The following HYAL4 variants were observed in gnomAD, a reference collection of about 807,000 sequenced individuals.
HYAL4 encodes the protein hyaluronidase 4, also known as hyaluronidase-4.
Under a neutral mutation model 35.2 loss-of-function variants are expected in HYAL4, and 37 were observed. The ratio of observed to expected loss-of-function variants is 1.05; its 90% CI spans 0.81 to 1.38. The LOEUF (loss-of-function observed/expected upper bound fraction) is 1.38, where lower values mean the gene tolerates loss of function less well. Ranked by LOEUF, HYAL4 falls within the 40% of genes most tolerant of loss-of-function variation. The pLI, the probability that HYAL4 is intolerant of heterozygous loss-of-function variation, is 0.00. For missense variants in HYAL4, 572 were observed against 572.4 expected, an observed-to-expected ratio of 1.00 and a Z score of 0.01; for synonymous variants, 198 against 203.2, an observed-to-expected ratio of 0.97 and a Z score of 0.22.
chr7:123,843,065 C>T (rs970490325), upstream of HYAL4, among the ~76,000 whole-genome samples: 25 of 151,846 alleles, frequency 1.6e-4, no homozygotes, highest in Admixed American at 5.3e-4. Context: ...TTATTTTGCC[C>T]GTTGATTGAT....
intron 3 of HYAL4, among the ~76,000 whole-genome samples, chr7:123,873,031 A>G (rs1292656440): frequency 1.3e-5 from 2 of 152,156 alleles, no homozygotes; most frequent in Non-Finnish European, 2.9e-5. Context: ...TTCTGCCCTG[A>G]TCATACCATG....
intron 2 of HYAL4, among the ~76,000 whole-genome samples, chr7:123,854,793 G>A (rs765941161): frequency 4.2e-4 from 64 of 152,216 alleles, no homozygotes; most frequent in Middle Eastern, 3.4e-3. Flanking sequence ...TTTCTGTCTC[G>A]TTGATCTGTC....
At chr7:123,780,211 C>T in the HYAL4 span, among the ~76,000 whole-genome samples, 2 of 152,152 alleles carry the variant, frequency 1.3e-5, no homozygotes, top group East Asian at 1.9e-4. Context: ...AGTAAATAAG[C>T]TGCCTAAATA....
At chr7:123,800,078 G>A in the HYAL4 span, among the ~76,000 whole-genome samples, 2 of 152,090 alleles carry the variant, frequency 1.3e-5, no homozygotes, top group South Asian at 2.1e-4. Context: ...TGGAAGGATC[G>A]CTTTAACTGG....
At chr7:123,767,874 G>A in the HYAL4 span, among the ~76,000 whole-genome samples, 1 of 152,188 alleles carries the variant, frequency 6.6e-6, no homozygotes, top group African/African-American at 2.4e-5. Context: ...GCATCACAAA[G>A]TAGGGTTGCC....
At chr7:123,786,730 CTATCT>C in the HYAL4 span, among the ~76,000 whole-genome samples, 1 of 151,680 alleles carries the variant, frequency 6.6e-6, no homozygotes, top group Admixed American at 6.6e-5. Context: ...ATCTATCTAT[CTATCT>C]ATCTATCTAT....
At chr7:123,800,522 A>G in the HYAL4 span, among the ~76,000 whole-genome samples, 2 of 151,028 alleles carry the variant, frequency 1.3e-5, no homozygotes, top group Non-Finnish European at 3.0e-5. Flanking sequence ...TTTTCTTTTG[A>G]TAGCTAAAAT....
chr7:123,811,224 A>C, the HYAL4 span, among the ~76,000 whole-genome samples: 13 of 152,112 alleles, frequency 8.5e-5, no homozygotes, highest in Admixed American at 4.6e-4. Flanking sequence ...TAATGATTGG[A>C]TTGTATGGTA....
chr7:123,832,479 C>CTTTT lies in HYAL4; in HGVS notation c.-257+3390_-257+3393dup, dbSNP rs71163703. Among the ~76,000 whole-genome samples the CTTTT allele has an allele frequency of 3.7e-4, 8 of 21,846 alleles. 2 individuals are homozygous for CTTTT. Among genetic ancestry groups the CTTTT allele is most frequent in the East Asian group, 3.4e-3 (2 of 580 alleles). 14.3% of individuals were successfully genotyped at this position (21,846 alleles called of 152,430 possible). On this transcript the variant is annotated intron_variant, in intron 1 of 4. Transcript: ENST00000489978. ...AGTCCCCAAAGTCTATTGTGTCATA[C>CTTTT]TTTTTTTTTTTTTTTTTTTTTTTTT...
intron 2 of HYAL4, 61 bp from the exon 3 acceptor site, chr7:123,868,162 T>TTTA (rs1806744585): frequency 2.0e-6 from 1 of 494,034 alleles, no homozygotes; most frequent in Admixed American, 3.6e-5. Context: ...ATAATATCTA[T>TTTA]TTATTATTTG....
chr7:123,839,926 A>G (rs1377984966), intron 1 of HYAL4, among the ~76,000 whole-genome samples: 1 of 152,120 alleles, frequency 6.6e-6, no homozygotes, highest in Non-Finnish European at 1.5e-5. Context: ...ATTTTCTGCC[A>G]TGCTGTAGGT....
rs746835225 is a variant in HYAL4, at chr7:123,869,120, C to G, written c.847C>G (p.His283Asp). ...TTTGCGCTTCTCCAAATTTCGGGTG[C>G]ATGAATCCATGAGGATCTCCACCAT... Reference protein sequence around the residue: ...NILRFSKFRVHESMRISTMTS... With the variant: ...NILRFSKFRVDESMRISTMTS... Residue 283 changes from histidine (H) to aspartate (D), a missense_variant, in exon 3 of 5, where the codon CAT (histidine) becomes GAT (aspartate). Physicochemically the swap from His to Asp is moderately conservative, Grantham distance 81. Coordinates refer to ENST00000223026, the MANE Select transcript of HYAL4 (RefSeq NM_012269.3). 5.3e-5 allele frequency: 86 copies of G among 1,614,128 alleles called. No individual in the cohort carries two copies. Among genetic ancestry groups the G allele is most frequent in the Non-Finnish European group, 6.9e-5 (82 of 1,180,008 alleles).
At chr7:123,852,362 A>T (rs138305991) in intron 2 of HYAL4, among the ~76,000 whole-genome samples, 2 of 152,054 alleles carry the variant, frequency 1.3e-5, no homozygotes, top group Admixed American at 6.6e-5. Flanking sequence ...TAGGGTTTTT[A>T]TGGTTTTAGG....
chr7:123,781,998 G>A, the HYAL4 span, among the ~76,000 whole-genome samples: 2 of 152,000 alleles, frequency 1.3e-5, no homozygotes, highest in East Asian at 1.9e-4. Flanking sequence ...CCTTGGACTC[G>A]TGAGGCTCAA....
At chr7:123,822,402 A>G in the HYAL4 span, among the ~76,000 whole-genome samples, 1 of 152,044 alleles carries the variant, frequency 6.6e-6, no homozygotes, top group Admixed American at 6.6e-5. Flanking sequence ...TTTTAATGGT[A>G]TTGTAAATGG....
chr7:123,853,687 G>T (rs1296057308), intron 2 of HYAL4, among the ~76,000 whole-genome samples: 6 of 151,758 alleles, frequency 4.0e-5, no homozygotes, highest in Non-Finnish European at 8.8e-5. Context: ...CCTGAAATTT[G>T]TTGTTGTTGT....
chr7:123,871,196 T>G (rs900893680), intron 3 of HYAL4, among the ~76,000 whole-genome samples: 2 of 150,812 alleles, frequency 1.3e-5, no homozygotes, highest in Admixed American at 6.6e-5. Flanking sequence ...GCCCATGATT[T>G]TTTTTTTTTT....
chr7:123,801,011 A>G, the HYAL4 span, among the ~76,000 whole-genome samples: 2 of 152,104 alleles, frequency 1.3e-5, no homozygotes, highest in Admixed American at 6.6e-5. Flanking sequence ...TGAAATCACT[A>G]TTAATTAAAA....
chr7:123,784,249 CATATT>C, the HYAL4 span, among the ~76,000 whole-genome samples: 1 of 152,152 alleles, frequency 6.6e-6, no homozygotes, highest in South Asian at 2.1e-4. Context: ...GTCTAACAAA[CATATT>C]AGTCAGAAAT....
Sources: gnomAD v4.1 joint callset for allele counts (sites outside exome capture counted in the v4.1 genomes callset) on GRCh38, gnomAD v4.1.1 for gene constraint, MANE v1.5 for transcripts, NCBI Gene and HGNC (gene_info 2026-07-23, HGNC 2026-07-21) for gene names.